The following GRM7 variants were observed in gnomAD, a reference collection of about 807,000 sequenced individuals.
GRM7 encodes glutamate metabotropic receptor 7.
GRM7 carries 35 observed loss-of-function variants against 84.5 expected under a neutral mutation model. The ratio of observed to expected loss-of-function variants is 0.41; its 90% CI spans 0.32 to 0.55. The LOEUF (loss-of-function observed/expected upper bound fraction) is 0.55, where lower values mean the gene tolerates loss of function less well. Ranked by LOEUF, GRM7 falls within the 20% of genes least tolerant of loss-of-function variation. GRM7 has a pLI of 0.19. For missense variants in GRM7, 1,003 were observed against 1,194.6 expected, an observed-to-expected ratio of 0.84 and a Z score of 2.36; for synonymous variants, 487 against 455.1, an observed-to-expected ratio of 1.07 and a Z score of -0.89.
At chr3:6,968,499 G>A (rs375922463) in intron 1 of GRM7, among the ~76,000 whole-genome samples, 8 of 152,076 alleles carry the variant, frequency 5.3e-5, no homozygotes, top group African/African-American at 1.7e-4. Context: ...GATAATAATC[G>A]CACTTCTTTC....
Position 7,305,585 on chromosome 3 carries a change from A to G in GRM7, c.879-913A>G, listed in dbSNP as rs569581688. ...ATTGTTCAATTCCCACCTATGAGTG[A>G]GAATATGCAGTGTTTGGTTTTTTGT... On this transcript the variant is annotated intron_variant, in intron 3 of 9. Coordinates refer to ENST00000357716, the MANE Select transcript of GRM7 (RefSeq NM_000844.4). Among the ~76,000 whole-genome samples the G allele has an allele frequency of 3.4e-4, 31 of 92,482 alleles. 9 individuals carry two copies. The South Asian group carries it at 0.012, about 35-fold the overall frequency. The allele number at this position is 92,482 out of a possible 152,430, so 60.7% of individuals were successfully genotyped here. A position where few individuals can be genotyped will look rare whatever the true frequency, so the allele number is the denominator to read the frequency against.
intron 4 of GRM7, among the ~76,000 whole-genome samples, chr3:7,339,071 A>T (rs564619977): frequency 2.6e-5 from 4 of 152,246 alleles, no homozygotes; most frequent in African/African-American, 9.6e-5. Context: ...ATTTAGCAAT[A>T]GTTTGATAAT....
At chr3:7,030,970 T>C (rs962294974) in intron 1 of GRM7, among the ~76,000 whole-genome samples, 2 of 152,168 alleles carry the variant, frequency 1.3e-5, no homozygotes, top group Non-Finnish European at 2.9e-5. Flanking sequence ...TTGGAATAGA[T>C]GAAAGAATAA....
intron 1 of GRM7, among the ~76,000 whole-genome samples, chr3:6,996,261 G>A (rs1348104289): frequency 6.6e-6 from 1 of 152,068 alleles, no homozygotes; most frequent in Admixed American, 6.5e-5. Context: ...TGTTTGCCAG[G>A]ATGATCTCGA....
chr3:7,100,236 G>T (rs1699064553), intron 1 of GRM7, among the ~76,000 whole-genome samples: 2 of 151,452 alleles, frequency 1.3e-5, no homozygotes, highest in African/African-American at 4.8e-5. Context: ...TTAAATGACT[G>T]TTGAAATGTA....
At chr3:7,107,178 C>T (rs1407540620) in intron 1 of GRM7, among the ~76,000 whole-genome samples, 1 of 151,962 alleles carries the variant, frequency 6.6e-6, no homozygotes, top group African/African-American at 2.4e-5. Context: ...GATAGAGATA[C>T]TCGGCCAAGC....
chr3:7,093,461 C>T (rs997662887), intron 1 of GRM7, among the ~76,000 whole-genome samples: 15 of 151,390 alleles, frequency 9.9e-5, no homozygotes, highest in Non-Finnish European at 1.6e-4. Context: ...GGGTGGATCA[C>T]GAGGTCAGGA....
At chr3:7,217,433 C>A (rs989484052) in intron 2 of GRM7, among the ~76,000 whole-genome samples, 1 of 152,014 alleles carries the variant, frequency 6.6e-6, no homozygotes. Context: ...ACTTTTAAAA[C>A]AGAAATGGTT....
chr3:7,601,525 G>A (rs73021804), intron 8 of GRM7, among the ~76,000 whole-genome samples: 26,970 of 152,058 alleles, frequency 0.18, 2,639 homozygotes, highest in Middle Eastern at 0.28. Context: ...CTGGTTACTC[G>A]ACATAACCTT....
chr3:6,913,380 A>G (rs905971716), intron 1 of GRM7, among the ~76,000 whole-genome samples: 2 of 152,162 alleles, frequency 1.3e-5, no homozygotes, highest in Admixed American at 1.3e-4. Context: ...TGAGTAATCA[A>G]CTAAAACTAA....
chr3:7,262,367 T>G (rs1698464264), intron 2 of GRM7, among the ~76,000 whole-genome samples: 1 of 152,198 alleles, frequency 6.6e-6, no homozygotes, highest in Admixed American at 6.5e-5. Context: ...GCTTTGAGAT[T>G]ACTTCTTCAG....
chr3:7,740,483 G>C lies in GRM7; in HGVS notation c.*77G>C, dbSNP rs922125336. On this transcript the variant is annotated 3_prime_UTR_variant, in exon 10 of 10. Transcript: ENST00000357716. ...CACCCAACCTGGCATAGGACTCTTT[G>C]GTCCTACCCGCTTCCCATCACCGGA... 5.1e-6 allele frequency: 4 copies of C among 778,432 alleles called. No homozygotes were observed. The highest frequency in any genetic ancestry group is 2.4e-4 in the Middle Eastern group (1 of 4,162). 48.2% of individuals were successfully genotyped at this position (778,432 alleles called of 1,614,324 possible). A position where few individuals can be genotyped will look rare whatever the true frequency, so the allele number is the denominator to read the frequency against.
At chr3:7,565,242 C>T (rs1030683482) in intron 7 of GRM7, among the ~76,000 whole-genome samples, 1 of 152,102 alleles carries the variant, frequency 6.6e-6, no homozygotes, top group Non-Finnish European at 1.5e-5. Flanking sequence ...CTGTTCTTTC[C>T]TTGACACCAT....
chr3:7,385,165 G>A (rs1353834), intron 4 of GRM7, among the ~76,000 whole-genome samples: 120,319 of 151,738 alleles, frequency 0.79, 48,350 homozygotes, highest in African/African-American at 0.89. Context: ...GGGAGATTAA[G>A]TCATTATATT....
chr3:7,002,396 C>T (rs557308951), intron 1 of GRM7, among the ~76,000 whole-genome samples: 1 of 152,064 alleles, frequency 6.6e-6, no homozygotes. Flanking sequence ...CTCCTATGTA[C>T]CATTTAATAG....
intron 1 of GRM7, among the ~76,000 whole-genome samples, chr3:7,099,507 C>A (rs944818803): frequency 1.4e-5 from 2 of 147,498 alleles, no homozygotes; most frequent in Non-Finnish European, 3.0e-5. Context: ...TATACATGTA[C>A]ACATATATGT....
chr3:7,299,715 G>C lies in GRM7; in HGVS notation c.878+890G>C, dbSNP rs140771039. On this transcript the variant is annotated intron_variant, in intron 3 of 9. Coordinates refer to ENST00000357716, the MANE Select transcript of GRM7 (RefSeq NM_000844.4). ...ATTTTATTTATCATTTTATCATGGA[G>C]ATCACTGAATATTAGTACCTATACT... Among the ~76,000 whole-genome samples, 56 of 150,822 alleles carry C rather than the reference G, an allele frequency of 3.7e-4. No homozygotes were observed. The East Asian group carries it at 8.7e-3, about 23-fold the overall frequency.
intron 8 of GRM7, among the ~76,000 whole-genome samples, chr3:7,612,855 C>T (rs748370294): frequency 6.6e-6 from 1 of 152,070 alleles, no homozygotes; most frequent in African/African-American, 2.4e-5. Context: ...GTAAAGAGGA[C>T]CAATTAGATT....
At chr3:7,381,915 C>G (rs897766095) in intron 4 of GRM7, among the ~76,000 whole-genome samples, 1 of 152,166 alleles carries the variant, frequency 6.6e-6, no homozygotes, top group Admixed American at 6.6e-5. Context: ...CAAACACTCT[C>G]ACACACCACA....
Sources: gnomAD v4.1 joint callset for allele counts (sites outside exome capture counted in the v4.1 genomes callset) on GRCh38, gnomAD v4.1.1 for gene constraint, MANE v1.5 for transcripts, NCBI Gene and HGNC (gene_info 2026-07-23, HGNC 2026-07-21) for gene names.